CACNB2: variants seen among roughly 807,000 people sequenced by gnomAD.
The protein encoded by CACNB2 is voltage-dependent L-type calcium channel subunit beta-2.
CACNB2 carries 42 observed loss-of-function variants against 73.3 expected under a neutral mutation model. The observed-to-expected ratio is 0.57, with a 90% CI of 0.45 to 0.74. The LOEUF (loss-of-function observed/expected upper bound fraction) is 0.74. Among genes scored for constraint, CACNB2 ranks in the 30% least tolerant of loss-of-function variants. CACNB2 has a pLI of 0.00. For synonymous variants in CACNB2, 348 were observed against 310.3 expected (o/e 1.12, Z -1.28); for missense variants, 940 against 853.0 (o/e 1.10, Z -1.27).
At position 18,442,980 on chromosome 10, in the gene CACNB2, ATATATGTATATATATATG is replaced by A. The variant is rs1564553906; in HGVS notation, c.333+40939_333+40956del. 1.4e-3 allele frequency among the ~76,000 whole-genome samples: 28 copies of A among 19,844 alleles called. 2 individuals carry two copies. The highest frequency in any genetic ancestry group is 1.5e-3 in the Non-Finnish European group (20 of 13,272). The allele number at this position is 19,844 out of a possible 152,430, so 13.0% of individuals were successfully genotyped here. A position where few individuals can be genotyped will look rare whatever the true frequency, so the allele number is the denominator to read the frequency against. ...TATGTATATATATATGTGTATATAT[ATATATGTATATATATATG>A]TGTATATATATATATGTATATATAT... On this transcript the variant is annotated intron_variant, in intron 3 of 13. Transcript: ENST00000324631.
chr10:18,525,301 T>C (rs16917420), intron 9 of CACNB2, among the ~76,000 whole-genome samples: 2 of 152,172 alleles, frequency 1.3e-5, no homozygotes, highest in African/African-American at 2.4e-5. Context: ...CAAGCTTTAC[T>C]GTCATTTTAG....
At chr10:18,325,700 T>G (rs2040564004) in intron 2 of CACNB2, among the ~76,000 whole-genome samples, 1 of 117,828 alleles carries the variant, frequency 8.5e-6, no homozygotes. Flanking sequence ...CCTTCCTTCC[T>G]TCCTTCCTTC....
chr10:18,494,817 T>C (rs951078263), intron 3 of CACNB2, among the ~76,000 whole-genome samples: 2 of 151,870 alleles, frequency 1.3e-5, no homozygotes, highest in African/African-American at 4.8e-5. Flanking sequence ...GACTACATCC[T>C]TAGGAGGCTG....
chr10:18,421,020 C>T (rs999747242), intron 3 of CACNB2, among the ~76,000 whole-genome samples: 4 of 151,850 alleles, frequency 2.6e-5, no homozygotes, highest in Non-Finnish European at 4.4e-5. Context: ...TGATAAAATA[C>T]AAAAGAAGGA....
intron 2 of CACNB2, among the ~76,000 whole-genome samples, chr10:18,220,224 T>G (rs1279256871): frequency 0.026 from 1,230 of 47,932 alleles, 46 homozygotes; most frequent in Non-Finnish European, 0.03. Context: ...TATATATATA[T>G]ATATATATAG....
chr10:18,356,347 T>A (rs2041907783), intron 2 of CACNB2, among the ~76,000 whole-genome samples: 1 of 152,200 alleles, frequency 6.6e-6, no homozygotes, highest in Non-Finnish European at 1.5e-5. Flanking sequence ...CACCTCATCA[T>A]CACTGCTTAT....
chr10:18,309,737 G>A (rs1178059034), intron 2 of CACNB2, among the ~76,000 whole-genome samples: 2 of 152,130 alleles, frequency 1.3e-5, no homozygotes, highest in Non-Finnish European at 2.9e-5. Flanking sequence ...GATTACAGGT[G>A]TGAGCCACCT....
At chr10:18,522,208 A>T (rs1277434637) in intron 9 of CACNB2, among the ~76,000 whole-genome samples, 1 of 151,994 alleles carries the variant, frequency 6.6e-6, no homozygotes, top group Non-Finnish European at 1.5e-5. Context: ...CAGGAAAACA[A>T]GCTCAGGGAT....
intron 2 of CACNB2, among the ~76,000 whole-genome samples, chr10:18,156,984 G>C (rs550293089): frequency 6.6e-6 from 1 of 151,796 alleles, no homozygotes; most frequent in African/African-American, 2.4e-5. Context: ...CAGAGACTGC[G>C]GTGAGCCGAG....
intron 2 of CACNB2, among the ~76,000 whole-genome samples, chr10:18,288,078 A>G (rs1393076960): frequency 6.6e-6 from 1 of 152,148 alleles, no homozygotes; most frequent in Admixed American, 6.5e-5. Flanking sequence ...TCCTCTTTTT[A>G]TAAGGACACC....
intron 2 of CACNB2, among the ~76,000 whole-genome samples, chr10:18,271,256 A>T (rs2038042876): frequency 1.3e-5 from 2 of 152,212 alleles, no homozygotes; most frequent in Non-Finnish European, 1.5e-5. Context: ...TTCCCGATTT[A>T]GATGATATTC....
At chr10:18,247,217 T>G (rs906137190) in intron 2 of CACNB2, among the ~76,000 whole-genome samples, 2 of 152,206 alleles carry the variant, frequency 1.3e-5, no homozygotes, top group African/African-American at 4.8e-5. Context: ...AATCCTGCTG[T>G]GAGGGGCTTC....
chr10:18,383,624 A>G (rs1235936041), intron 2 of CACNB2, among the ~76,000 whole-genome samples: 1 of 152,244 alleles, frequency 6.6e-6, no homozygotes, highest in Non-Finnish European at 1.5e-5. Flanking sequence ...TAAACCATAA[A>G]TAAATACATA....
chr10:18,194,499 G>A (rs1268735851), intron 2 of CACNB2, among the ~76,000 whole-genome samples: 1 of 152,136 alleles, frequency 6.6e-6, no homozygotes, highest in Non-Finnish European at 1.5e-5. Flanking sequence ...TAATTATCAG[G>A]TACCCCATGG....
chr10:18,354,648 G>A (rs1196318409), intron 2 of CACNB2, among the ~76,000 whole-genome samples: 2 of 152,108 alleles, frequency 1.3e-5, no homozygotes, highest in African/African-American at 4.8e-5. Context: ...ACAACTATAG[G>A]GATGGGGGAA....
chr10:18,215,640 T>C (rs2131368252), intron 2 of CACNB2, among the ~76,000 whole-genome samples: 1 of 152,358 alleles, frequency 6.6e-6, no homozygotes, highest in East Asian at 1.9e-4. Flanking sequence ...TTTGCTGCTC[T>C]GTGTCAGATA....
chr10:18,404,237 A>G (rs1284277337), intron 3 of CACNB2, among the ~76,000 whole-genome samples: 3 of 152,194 alleles, frequency 2.0e-5, no homozygotes, highest in South Asian at 2.1e-4. Flanking sequence ...ATATGTCTCA[A>G]AAGAAGATAC....
chr10:18,309,258 C>T (rs2039866020), intron 2 of CACNB2, among the ~76,000 whole-genome samples: 1 of 150,592 alleles, frequency 6.6e-6, no homozygotes, highest in African/African-American at 2.5e-5. Context: ...AATTCAGAAA[C>T]AGAGAGGGAG....
At chr10:18,325,574 C>T (rs1284594845) in intron 2 of CACNB2, among the ~76,000 whole-genome samples, 5 of 150,276 alleles carry the variant, frequency 3.3e-5, no homozygotes, top group Non-Finnish European at 5.9e-5. Context: ...CTTTCCTTTC[C>T]TTCTTTTTCT....
Sources: allele counts gnomAD v4.1 joint callset (sites outside exome capture counted in the v4.1 genomes callset), GRCh38; gene constraint gnomAD v4.1.1; transcripts MANE v1.5; gene names NCBI Gene and HGNC (gene_info 2026-07-23, HGNC 2026-07-21).